ARFIP1: variants seen among roughly 807,000 people sequenced by gnomAD.
The protein encoded by ARFIP1 is arfaptin-1.
Under a neutral mutation model 42.5 loss-of-function variants are expected in ARFIP1, and 24 were observed. The observed-to-expected ratio is 0.57, with a 90% confidence interval of 0.41 to 0.80. ARFIP1 has a LOEUF of 0.80. Among genes scored for constraint, ARFIP1 ranks in the 30% least tolerant of loss-of-function variants. ARFIP1 has a pLI of 0.00. For missense variants in ARFIP1, 354 were observed against 434.0 expected (o/e 0.82, Z 1.64); for synonymous variants, 141 against 153.7 (o/e 0.92, Z 0.61).
At chr4:152,857,393 T>C (rs1421222618) in intron 2 of ARFIP1, among the ~76,000 whole-genome samples, 2 of 152,238 alleles carry the variant, frequency 1.3e-5, no homozygotes, top group Non-Finnish European at 2.9e-5. Context: ...TGCCTATGGC[T>C]GCTTACATTT....
chr4:152,893,786 T>G (rs934751617), intron 8 of ARFIP1, among the ~76,000 whole-genome samples: 2 of 152,122 alleles, frequency 1.3e-5, no homozygotes, highest in African/African-American at 4.8e-5. Flanking sequence ...TGGACACATA[T>G]TTGATTTATA....
At chr4:152,869,430 G>T (rs1734681277) in intron 3 of ARFIP1, among the ~76,000 whole-genome samples, 1 of 151,664 alleles carries the variant, frequency 6.6e-6, no homozygotes, top group Non-Finnish European at 1.5e-5. Context: ...ATGTTGGGTA[G>T]TCAGTGTTTC....
At chr4:152,863,554 G>A (rs550580276) in intron 2 of ARFIP1, 52 bp from the exon 3 acceptor site, 32 of 1,021,668 alleles carry the variant, frequency 3.1e-5, no homozygotes, top group East Asian at 4.9e-5. Context: ...GAACTGTTAC[G>A]TCATGTGGGA....
At chr4:152,857,713 CA>C (rs1395246121) in intron 2 of ARFIP1, among the ~76,000 whole-genome samples, 1 of 152,188 alleles carries the variant, frequency 6.6e-6, no homozygotes, top group Non-Finnish European at 1.5e-5. Flanking sequence ...AGACCTTCCC[CA>C]AATACTGCAT....
intron 1 of ARFIP1, among the ~76,000 whole-genome samples, chr4:152,802,456 T>C (rs142455519): frequency 9.2e-5 from 14 of 152,316 alleles, no homozygotes; most frequent in African/African-American, 3.4e-4. Flanking sequence ...ACTTGACATA[T>C]GTAGTTAATA....
intron 5 of ARFIP1, among the ~76,000 whole-genome samples, chr4:152,880,041 T>A (rs186830641): frequency 2.0e-5 from 3 of 152,200 alleles, no homozygotes; most frequent in Admixed American, 6.5e-5. Context: ...AGATACTTTT[T>A]AAAAATTACA....
intron 8 of ARFIP1, among the ~76,000 whole-genome samples, chr4:152,896,139 A>G (rs1737303979): frequency 6.7e-6 from 1 of 148,554 alleles, no homozygotes; most frequent in Non-Finnish European, 1.5e-5. Context: ...AGAGAGGAGT[A>G]AGGTAAAGGT....
chr4:152,858,175 C>T (rs1180156504), intron 2 of ARFIP1, among the ~76,000 whole-genome samples: 2 of 152,076 alleles, frequency 1.3e-5, no homozygotes, highest in Non-Finnish European at 2.9e-5. Flanking sequence ...GTCTGTAATC[C>T]CAGCTACTCG....
intron 1 of ARFIP1, among the ~76,000 whole-genome samples, chr4:152,794,595 G>A (rs529435330): frequency 6.6e-6 from 1 of 152,198 alleles, no homozygotes; most frequent in South Asian, 2.1e-4. Flanking sequence ...TTGGAGCTAC[G>A]TGGAGACTGT....
chr4:152,912,114 T>G lies in ARFIP1; in HGVS notation c.*1895T>G, dbSNP rs1738892515. The G allele has an allele frequency of 6.6e-6, 1 of 152,232 alleles. No homozygotes were observed. The highest frequency in any genetic ancestry group is 1.5e-5 in the Non-Finnish European group (1 of 68,010). 9.4% of individuals were successfully genotyped at this position (152,232 alleles called of 1,614,324 possible). A position where few individuals can be genotyped will look rare whatever the true frequency, so the allele number is the denominator to read the frequency against. ...TTAACCACATTTCAATAACAGTTAC[T>G]GTAGCTAAGGAGCTAAATAGTTTCA... On this transcript the variant is annotated 3_prime_UTR_variant, in exon 9 of 9. Coordinates refer to ENST00000353617, the MANE Select transcript of ARFIP1 (RefSeq NM_001025595.3).
chr4:152,886,806 C>T (rs1055404590), intron 7 of ARFIP1, among the ~76,000 whole-genome samples: 1 of 151,902 alleles, frequency 6.6e-6, no homozygotes, highest in Non-Finnish European at 1.5e-5. Flanking sequence ...GGAAAGTGCT[C>T]ACTTGAGAAT....
rs763849706 is a variant in ARFIP1 at position 152,888,325 on chromosome 4, T to C, written c.966+18T>C. The C allele has an allele frequency of 2.6e-6, 4 of 1,547,748 alleles. No homozygotes were observed. The highest frequency in any genetic ancestry group is 1.9e-5 in the Admixed American group (1 of 52,432). On this transcript the variant is annotated intron_variant, in intron 8 of 8. Coordinates refer to ENST00000353617, the MANE Select transcript of ARFIP1 (RefSeq NM_001025595.3). ...AAAATAAGGTAAATTCTTTACCTTC[T>C]AAGGTCTTTCTGTGGACTTTGAAGT...
chr4:152,829,788 G>T (rs2149846243), intron 2 of ARFIP1, 62 bp downstream of exon 2: 2 of 1,265,580 alleles, frequency 1.6e-6, no homozygotes, highest in East Asian at 2.4e-5. Flanking sequence ...ATGTTGAGAT[G>T]AAAGTAATAG....
chr4:152,910,190 G>A lies in ARFIP1; in HGVS notation c.1093G>A (p.Asp365Asn). The A allele has an allele frequency of 6.2e-7, 1 of 1,613,692 alleles. No homozygotes were observed. ...TATCAAATTGAAAACCCCTGGAGTG[G>A]ATGCCCCATCTTGGCTTGAAGAACA... is the stretch of plus-strand genomic sequence containing the variant. ...FHIKLKTPGV[D>N]APSWLEEQ Residue 365 changes from aspartate to asparagine, a missense_variant, in exon 9 of 9, where the codon GAT becomes AAT. Physicochemically the swap from Asp to Asn is conservative, Grantham distance 23. Coordinates refer to ENST00000353617, the MANE Select transcript of ARFIP1 (RefSeq NM_001025595.3).
At chr4:152,834,839 C>T (rs1731524839) in intron 2 of ARFIP1, among the ~76,000 whole-genome samples, 1 of 152,206 alleles carries the variant, frequency 6.6e-6, no homozygotes, top group African/African-American at 2.4e-5. Context: ...CTGCAGTTGC[C>T]AAACTTCTTT....
At chr4:152,849,544 A>T (rs1732819000) in intron 2 of ARFIP1, among the ~76,000 whole-genome samples, 1 of 152,180 alleles carries the variant, frequency 6.6e-6, no homozygotes, top group Non-Finnish European at 1.5e-5. Flanking sequence ...TAGAATCTAG[A>T]CTAAGTGGGT....
At chr4:152,825,105 A>G (rs193024766) in intron 1 of ARFIP1, among the ~76,000 whole-genome samples, 1 of 152,146 alleles carries the variant, frequency 6.6e-6, no homozygotes, top group Non-Finnish European at 1.5e-5. Context: ...AATACATTCC[A>G]TAAGAATCTG....
At chr4:152,821,414 C>T (rs959322858) in intron 1 of ARFIP1, among the ~76,000 whole-genome samples, 1 of 152,112 alleles carries the variant, frequency 6.6e-6, no homozygotes, top group African/African-American at 2.4e-5. Flanking sequence ...AAAGACAAGA[C>T]TTTTGAATCA....
At chr4:152,852,463 T>C (rs922210867) in intron 2 of ARFIP1, among the ~76,000 whole-genome samples, 3 of 152,098 alleles carry the variant, frequency 2.0e-5, no homozygotes, top group Admixed American at 2.0e-4. Context: ...AAACCCTGTC[T>C]CTACTAAAAT....
Sources: allele counts gnomAD v4.1 joint callset (sites outside exome capture counted in the v4.1 genomes callset), GRCh38; gene constraint gnomAD v4.1.1; transcripts MANE v1.5; gene names NCBI Gene and HGNC (gene_info 2026-07-23, HGNC 2026-07-21).